The following PNPLA8 variants were observed in gnomAD, a reference collection of about 807,000 sequenced individuals.
PNPLA8 encodes patatin like domain 8, phospholipase A2, also known as calcium-independent phospholipase A2-gamma.
A neutral mutation model predicts 76.9 loss-of-function variants in PNPLA8; 39 were observed. The observed-to-expected ratio is 0.51, with a 90% CI of 0.39 to 0.66. The LOEUF (loss-of-function observed/expected upper bound fraction) is 0.66, where lower values mean the gene tolerates loss of function less well. Among genes scored for constraint, PNPLA8 ranks in the 30% least tolerant of loss-of-function variants. The pLI, the probability that PNPLA8 is intolerant of heterozygous loss-of-function variation, is 0.00. For missense variants in PNPLA8, 887 were observed against 918.0 expected, an observed-to-expected ratio of 0.97 and a Z score of 0.44; for synonymous variants, 301 against 307.9, an observed-to-expected ratio of 0.98 and a Z score of 0.24.
At chr7:108,496,363 T>C (rs1016495366) in intron 7 of PNPLA8, 1 of 358,344 alleles carries the variant, frequency 2.8e-6, no homozygotes, top group African/African-American at 2.1e-5. Context: ...AACTTTTACA[T>C]GCAAATCTCA....
intron 10 of PNPLA8, among the ~76,000 whole-genome samples, chr7:108,475,270 T>TA (rs1201942205): frequency 6.6e-6 from 1 of 152,094 alleles, no homozygotes; most frequent in Non-Finnish European, 1.5e-5. Context: ...ATACTAGAAA[T>TA]AAAGTACACA....
At chr7:108,499,182 C>T (rs2154515757) in intron 5 of PNPLA8, among the ~76,000 whole-genome samples, 1 of 152,228 alleles carries the variant, frequency 6.6e-6, no homozygotes, top group East Asian at 1.9e-4. Flanking sequence ...TATATGTTCA[C>T]ACAGAAAAAG....
intron 4 of PNPLA8, among the ~76,000 whole-genome samples, chr7:108,508,922 G>A (rs1374108547): frequency 4.9e-4 from 57 of 116,054 alleles, no homozygotes; most frequent in African/African-American, 2.0e-3. Context: ...ACAAGCAATG[G>A]GGAAAGGATT....
chr7:108,479,386 A>T lies in PNPLA8; in HGVS notation c.1879-7T>A. On this transcript the variant is annotated splice_region_variant and splice_polypyrimidine_tract_variant and intron_variant, in intron 9 of 10. Coordinates refer to ENST00000257694, the MANE Select transcript of PNPLA8 (RefSeq NM_001256007.3). ...TCAGAAGCAAACCTCCATCCTGCAA[A>T]ATACAAGTTAAAAAAAGAAACTTTT... The T allele has an allele frequency of 6.3e-7, 1 of 1,588,422 alleles. No homozygotes were observed. The highest frequency in any genetic ancestry group is 8.6e-7 in the Non-Finnish European group (1 of 1,166,130).
intron 4 of PNPLA8, among the ~76,000 whole-genome samples, chr7:108,508,706 C>T (rs1420118334): frequency 1.3e-5 from 2 of 151,244 alleles, no homozygotes; most frequent in Non-Finnish European, 2.9e-5. Flanking sequence ...AAAAAAGAGC[C>T]CACATTGCCA....
chr7:108,474,329 G>C lies in PNPLA8; in HGVS notation c.2075-1654C>G, dbSNP rs73191251. ...AGGTTTCCATCTAAGATCAGGAACA[G>C]GGTAAGATGTCTAGTCTCACACCTT... On this transcript the variant is annotated intron_variant, in intron 10 of 10. Coordinates refer to ENST00000257694, the MANE Select transcript of PNPLA8 (RefSeq NM_001256007.3). Among the ~76,000 whole-genome samples the C allele has an allele frequency of 4.8e-3, 726 of 152,292 alleles. 5 individuals carry two copies. Among genetic ancestry groups the C allele is most frequent in the Non-Finnish European group, 7.0e-3 (476 of 68,010 alleles).
At chr7:108,526,199 C>T (rs745480346), upstream of PNPLA8, 75 of 658,674 alleles carry the variant, frequency 1.1e-4, no homozygotes, top group Admixed American at 1.9e-4. Context: ...GGAAGTGACG[C>T]GCTAGAAGTT....
intron 7 of PNPLA8, among the ~76,000 whole-genome samples, chr7:108,495,871 T>G (rs1476464436): frequency 1.3e-5 from 2 of 152,282 alleles, no homozygotes; most frequent in South Asian, 4.1e-4. Flanking sequence ...GGATACGAAT[T>G]TACAACTACA....
At position 108,472,321 on chromosome 7, in the gene PNPLA8, G is replaced by T; in HGVS notation, c.*80C>A. The T allele has an allele frequency of 2.0e-6, 2 of 1,016,934 alleles. No homozygotes were observed. The highest frequency in any genetic ancestry group is 2.9e-6 in the Non-Finnish European group (2 of 693,616). The allele number at this position is 1,016,934 out of a possible 1,614,324, so 63.0% of individuals were successfully genotyped here. On this transcript the variant is annotated 3_prime_UTR_variant, in exon 11 of 11. Transcript: ENST00000257694. The stretch of plus-strand genomic sequence containing the variant: ...CATACGTATTTCAAAGTTAACTCAT[G>T]TCGAACCCCACAATTCCTTATTGAA...
chr7:108,522,651 C>T (rs143887332), intron 1 of PNPLA8, among the ~76,000 whole-genome samples: 316 of 152,248 alleles, frequency 2.1e-3, no homozygotes, highest in African/African-American at 5.1e-3. Context: ...TTAAACTCGA[C>T]AAAATTTTCT....
At chr7:108,486,799 T>C (rs1481890308) in intron 9 of PNPLA8, among the ~76,000 whole-genome samples, 2 of 152,122 alleles carry the variant, frequency 1.3e-5, no homozygotes, top group Admixed American at 1.3e-4. Flanking sequence ...TATGAGTTTT[T>C]GAATGCCGTC....
chr7:108,481,049 A>G (rs561240250), intron 9 of PNPLA8, among the ~76,000 whole-genome samples: 1 of 152,334 alleles, frequency 6.6e-6, no homozygotes, highest in South Asian at 2.1e-4. Flanking sequence ...GCATGTATCA[A>G]TAGTTTACTC....
intron 4 of PNPLA8, among the ~76,000 whole-genome samples, chr7:108,504,359 C>T (rs2154516022): frequency 6.6e-6 from 1 of 152,062 alleles, no homozygotes; most frequent in South Asian, 2.1e-4. Context: ...ATAAAAATAA[C>T]AAAATAAAAT....
intron 4 of PNPLA8, 53 bp from the exon 5 acceptor site, chr7:108,502,695 T>C (rs773153880): frequency 3.7e-6 from 5 of 1,353,882 alleles, no homozygotes; most frequent in South Asian, 2.4e-5. Context: ...AGACTGAAAA[T>C]GTATGATTAT....
upstream of PNPLA8, among the ~76,000 whole-genome samples, chr7:108,526,472 C>G (rs566415507): frequency 6.6e-6 from 1 of 152,358 alleles, no homozygotes; most frequent in East Asian, 1.9e-4. Flanking sequence ...TGGGCGGGAC[C>G]TCGGAGCAGT....
rs1408243050 is a variant in PNPLA8, at chr7:108,472,534, TC to T, written c.2215del (p.Glu739LysfsTer7). ...TTTTTTCATTTTTTGTTCATTTCTT[TC>T]TATGTATTTCAACCCTTCCAACTGC... ...QLQLEGLKYIERNEQKMKKVA... is the reference protein window; with the variant it reads ...QLQLEGLKYIXRNEQKMKKVA... On this transcript the variant is annotated frameshift_variant, in exon 11 of 11. Coordinates refer to ENST00000257694, the MANE Select transcript of PNPLA8 (RefSeq NM_001256007.3). LOFTEE classifies it high-confidence loss of function. 6.2e-7 allele frequency: 1 copy of T among 1,612,128 alleles called. No homozygotes were observed. Among genetic ancestry groups the T allele is most frequent in the Non-Finnish European group, 8.5e-7 (1 of 1,179,568 alleles).
intron 9 of PNPLA8, among the ~76,000 whole-genome samples, chr7:108,487,350 T>A (rs565410138): frequency 6.6e-6 from 1 of 152,338 alleles, no homozygotes; most frequent in African/African-American, 2.4e-5. Context: ...GCTAACTTAA[T>A]GAGTATTTAC....
intron 10 of PNPLA8, among the ~76,000 whole-genome samples, chr7:108,475,027 C>T (rs749575298): frequency 3.3e-5 from 5 of 152,130 alleles, no homozygotes; most frequent in Non-Finnish European, 5.9e-5. Flanking sequence ...TCAGCTCCAC[C>T]TCCTGTCAGA....
intron 2 of PNPLA8, among the ~76,000 whole-genome samples, chr7:108,518,760 C>T (rs866192847): frequency 1.3e-3 from 153 of 115,434 alleles, no homozygotes; most frequent in African/African-American, 3.6e-3. Flanking sequence ...TATATATATA[C>T]ACACACACAC....
Sources: gnomAD v4.1 joint callset for allele counts (sites outside exome capture counted in the v4.1 genomes callset) on GRCh38, gnomAD v4.1.1 for gene constraint, MANE v1.5 for transcripts, NCBI Gene and HGNC (gene_info 2026-07-23, HGNC 2026-07-21) for gene names.